Variants in SATB2 observed in about 807,000 individuals in gnomAD.
SATB2 encodes the protein SATB homeobox 2.
A neutral mutation model predicts 73.4 loss-of-function variants in SATB2; 1 was observed. That is an observed-to-expected ratio of 0.01 (90% CI 0.00 to 0.06). The LOEUF (loss-of-function observed/expected upper bound fraction) is 0.06. SATB2 is among the 10% of genes least tolerant of loss of function. The pLI is 1.00. For missense variants in SATB2, 459 were observed against 945.8 expected (o/e 0.49, Z 6.75); for synonymous variants, 397 against 367.0 (o/e 1.08, Z -0.93).
chr2:199,331,506 T>C (rs1430804061), intron 7 of SATB2, among the ~76,000 whole-genome samples: 1 of 152,142 alleles, frequency 6.6e-6, no homozygotes, highest in Non-Finnish European at 1.5e-5. Context: ...CAGAACACTG[T>C]TTTAAATTAT....
chr2:199,407,113 G>A (rs1186412791), intron 3 of SATB2, among the ~76,000 whole-genome samples: 4 of 151,908 alleles, frequency 2.6e-5, no homozygotes. Context: ...TTGAGGTCAG[G>A]AGTTCAGGAC....
At chr2:199,426,377 C>T (rs1007302945) in intron 3 of SATB2, among the ~76,000 whole-genome samples, 2 of 152,114 alleles carry the variant, frequency 1.3e-5, no homozygotes, top group Non-Finnish European at 2.9e-5. Context: ...TAACCTCCTC[C>T]TCCCGGGTTC....
intron 10 of SATB2, among the ~76,000 whole-genome samples, chr2:199,288,445 A>G (rs1304922163): frequency 7.9e-5 from 12 of 152,190 alleles, no homozygotes; most frequent in Admixed American, 7.2e-4. Flanking sequence ...ACTTCAGGGG[A>G]AAGAGATGAA....
At chr2:199,444,254 C>T (rs1163675860) in intron 2 of SATB2, among the ~76,000 whole-genome samples, 3 of 152,184 alleles carry the variant, frequency 2.0e-5, no homozygotes, top group African/African-American at 7.2e-5. Context: ...TATCCAAAGG[C>T]TATCACCCAG....
intron 3 of SATB2, among the ~76,000 whole-genome samples, chr2:199,389,880 A>G (rs1690079097): frequency 1.3e-5 from 2 of 152,110 alleles, no homozygotes; most frequent in Non-Finnish European, 1.5e-5. Flanking sequence ...CTTACACTAC[A>G]GAAACATTCT....
At chr2:199,332,290 T>C (rs1166495874) in intron 7 of SATB2, among the ~76,000 whole-genome samples, 6 of 152,068 alleles carry the variant, frequency 3.9e-5, no homozygotes, top group Non-Finnish European at 7.4e-5. Flanking sequence ...AGGAAACATG[T>C]TGACTAAAAG....
chr2:199,447,252 A>G (rs1476634241), intron 2 of SATB2, among the ~76,000 whole-genome samples: 1 of 152,210 alleles, frequency 6.6e-6, no homozygotes, highest in African/African-American at 2.4e-5. Context: ...GTGGAATGAG[A>G]GCCAGAGTCT....
At chr2:199,394,424 C>T (rs1690239535) in intron 3 of SATB2, among the ~76,000 whole-genome samples, 1 of 151,938 alleles carries the variant, frequency 6.6e-6, no homozygotes, top group African/African-American at 2.4e-5. Context: ...GATATAAAAC[C>T]CGGTAAGAAA....
At chr2:199,348,552 AT>A in intron 7 of SATB2, 148 bp downstream of exon 7, 1 of 711,866 alleles carries the variant, frequency 1.4e-6, no homozygotes, top group Non-Finnish European at 2.5e-6. Flanking sequence ...ATCAATGGTA[AT>A]AGCGTTTCAT....
rs1272316559 is a variant in SATB2 at position 199,270,391 on chromosome 2, C to A, written c.*1820G>T. The A allele has an allele frequency of 2.0e-5, 3 of 151,584 alleles. No individual in the cohort carries two copies. The highest frequency in any genetic ancestry group is 4.9e-5 in the African/African-American group (2 of 41,072). The allele number at this position is 151,584 out of a possible 1,614,324, so 9.4% of individuals were successfully genotyped here. ...TTTTTTTTAACTCCTACCTTTTATA[C>A]CTTTCAAATATATAAATAGTATTAA... On this transcript the variant is annotated 3_prime_UTR_variant, in exon 11 of 11. Transcript: ENST00000417098.
intron 3 of SATB2, among the ~76,000 whole-genome samples, chr2:199,418,216 A>G (rs554204545): frequency 3.4e-4 from 52 of 152,330 alleles, no homozygotes; most frequent in African/African-American, 1.2e-3. Flanking sequence ...GAGGAAACTG[A>G]GGCAGAGAAT....
At chr2:199,341,650 AAAAG>A (rs1210199491) in intron 7 of SATB2, among the ~76,000 whole-genome samples, 1 of 152,230 alleles carries the variant, frequency 6.6e-6, no homozygotes, top group Non-Finnish European at 1.5e-5. Flanking sequence ...TAATATTTTC[AAAAG>A]AAAGGAGTAA....
At chr2:199,356,749 G>A (rs1243428195) in intron 6 of SATB2, among the ~76,000 whole-genome samples, 2 of 151,932 alleles carry the variant, frequency 1.3e-5, no homozygotes, top group South Asian at 4.2e-4. Context: ...GCTTTTTAAT[G>A]GATTTTCTTT....
At chr2:199,317,588 T>A (rs1161804914) in intron 9 of SATB2, among the ~76,000 whole-genome samples, 1 of 152,086 alleles carries the variant, frequency 6.6e-6, no homozygotes, top group Admixed American at 6.5e-5. Context: ...GTCTGATTAA[T>A]CTTCATTATC....
intron 7 of SATB2, among the ~76,000 whole-genome samples, chr2:199,343,291 C>T (rs369442937): frequency 2.6e-5 from 4 of 152,000 alleles, no homozygotes; most frequent in African/African-American, 7.2e-5. Flanking sequence ...TATTAAAATG[C>T]TTTTTATTGA....
intron 2 of SATB2, among the ~76,000 whole-genome samples, chr2:199,439,591 G>A (rs1691750486): frequency 6.6e-6 from 1 of 152,116 alleles, no homozygotes. Flanking sequence ...TCTTCAAGAG[G>A]ACAGAGAGAA....
rs183121680 is a variant in SATB2 at position 199,388,591 on chromosome 2, T to C, written c.347-6771A>G. On this transcript the variant is annotated intron_variant, in intron 3 of 10. Transcript: ENST00000417098. Reference sequence around the variant, plus strand: ...AGCAAGATATCCAGCAGTATTCTTATAATTCAGCTGGATGGATAATTTTCT... The same window carrying C: ...AGCAAGATATCCAGCAGTATTCTTACAATTCAGCTGGATGGATAATTTTCT... Among the ~76,000 whole-genome samples the C allele has an allele frequency of 3.3e-5, 5 of 152,320 alleles. No individual in the cohort carries two copies. In the East Asian group the frequency reaches 5.8e-4, roughly 18 times the overall value.
chr2:199,407,300 A>AG (rs1206503356), intron 3 of SATB2, among the ~76,000 whole-genome samples: 1 of 151,564 alleles, frequency 6.6e-6, no homozygotes, highest in Non-Finnish European at 1.5e-5. Context: ...AAAAAAAAAA[A>AG]AAAAAAAAGA....
At chr2:199,401,017 T>C (rs1690456959) in intron 3 of SATB2, among the ~76,000 whole-genome samples, 1 of 152,210 alleles carries the variant, frequency 6.6e-6, no homozygotes, top group Non-Finnish European at 1.5e-5. Flanking sequence ...GTGTATTTTG[T>C]TGGACCCAAA....
Sources: gnomAD v4.1 joint callset for allele counts (sites outside exome capture counted in the v4.1 genomes callset) on GRCh38, gnomAD v4.1.1 for gene constraint, MANE v1.5 for transcripts, NCBI Gene and HGNC (gene_info 2026-07-23, HGNC 2026-07-21) for gene names.